The following HDAC9 variants were observed in gnomAD, a reference collection of about 807,000 sequenced individuals.
The protein encoded by HDAC9 is MEF-2 interacting transcription repressor (MITR) protein.
Under a neutral mutation model 139.4 loss-of-function variants are expected in HDAC9, and 41 were observed. That is an observed-to-expected ratio of 0.29 (90% CI 0.23 to 0.38). The LOEUF is 0.38. Among genes scored for constraint, HDAC9 ranks in the 10% least tolerant of loss-of-function variants. The pLI is 1.00. For missense variants in HDAC9, 1,147 were observed against 1,297.0 expected (o/e 0.88, Z 1.78); for synonymous variants, 517 against 476.2 (o/e 1.09, Z -1.12).
rs1786385848 is a variant in HDAC9 at position 18,146,971 on chromosome 7, A to G, written c.-96-15258A>G. On this transcript the variant is annotated intron_variant, in intron 1 of 12. Coordinates refer to the HDAC9 transcript ENST00000417496. ...TAACAAGGGAAAAATATGAAACCAC[A>G]AAAAGTGGATTTATTTTTTTCCTCA... is the stretch of plus-strand genomic sequence containing the variant. Among the ~76,000 whole-genome samples the G allele has an allele frequency of 2.0e-5, 3 of 152,208 alleles. No homozygotes were observed. In the South Asian group the frequency reaches 6.2e-4, roughly 31 times the overall value.
chr7:18,221,394 A>G (rs10215080), intron 2 of HDAC9, among the ~76,000 whole-genome samples: 43,684 of 151,914 alleles, frequency 0.29, 6,732 homozygotes, highest in South Asian at 0.4. Flanking sequence ...CACGAGCCCA[A>G]TTGTATTCCT....
chr7:18,095,841 A>G (rs893282286), intron 1 of HDAC9, among the ~76,000 whole-genome samples: 2 of 152,234 alleles, frequency 1.3e-5, no homozygotes, highest in Non-Finnish European at 2.9e-5. Flanking sequence ...GCCAGTATCC[A>G]GTTTAAAAGT....
chr7:18,899,665 T>C (rs1801520481), intron 22 of HDAC9, among the ~76,000 whole-genome samples: 1 of 152,048 alleles, frequency 6.6e-6, no homozygotes, highest in Admixed American at 6.6e-5. Context: ...GAGTTAATGA[T>C]ACAGTCTTTA....
chr7:18,916,542 T>G (rs2129292922), intron 22 of HDAC9, among the ~76,000 whole-genome samples: 1 of 152,056 alleles, frequency 6.6e-6, no homozygotes, highest in East Asian at 1.9e-4. Flanking sequence ...TAGAAGCTAC[T>G]GGGCTTCAGA....
chr7:18,608,880 C>G (rs1007386701), intron 6 of HDAC9, among the ~76,000 whole-genome samples: 8 of 152,150 alleles, frequency 5.3e-5, no homozygotes, highest in African/African-American at 1.7e-4. Flanking sequence ...AGCAGTTGAA[C>G]AGTTGAACCA....
intron 2 of HDAC9, among the ~76,000 whole-genome samples, chr7:18,251,592 A>G (rs1395580516): frequency 1.3e-5 from 2 of 152,182 alleles, no homozygotes; most frequent in African/African-American, 4.8e-5. Flanking sequence ...GGGAGATTCT[A>G]AGAACAAATT....
At chr7:18,819,763 T>G (rs991006060) in intron 17 of HDAC9, among the ~76,000 whole-genome samples, 4 of 152,342 alleles carry the variant, frequency 2.6e-5, no homozygotes, top group African/African-American at 9.6e-5. Flanking sequence ...AAAGTTCTAT[T>G]ATTAGTCATG....
chr7:18,181,520 T>TGTGTA (rs1342016034), intron 2 of HDAC9, among the ~76,000 whole-genome samples: 1 of 152,242 alleles, frequency 6.6e-6, no homozygotes, highest in Non-Finnish European at 1.5e-5. Flanking sequence ...ACAAGGATTA[T>TGTGTA]GTGTAGTGTA....
intron 2 of HDAC9, among the ~76,000 whole-genome samples, chr7:18,534,017 A>G (rs755920997): frequency 2.0e-5 from 3 of 152,178 alleles, no homozygotes; most frequent in Admixed American, 6.5e-5. Flanking sequence ...GCTATTAATT[A>G]TAGTTAACCA....
At chr7:18,417,305 A>G (rs539581146) in intron 1 of HDAC9, among the ~76,000 whole-genome samples, 62 of 152,038 alleles carry the variant, frequency 4.1e-4, no homozygotes, top group Admixed American at 6.5e-4. Context: ...CTGTATTTCC[A>G]CTTAACGTTT....
At chr7:18,102,678 G>A (rs1479616083) in intron 1 of HDAC9, among the ~76,000 whole-genome samples, 1 of 152,182 alleles carries the variant, frequency 6.6e-6, no homozygotes, top group Non-Finnish European at 1.5e-5. Flanking sequence ...CTAAGTTTTA[G>A]CTGGGGACAA....
chr7:18,959,772 C>G (rs1241785277), intron 24 of HDAC9, among the ~76,000 whole-genome samples: 1 of 152,092 alleles, frequency 6.6e-6, no homozygotes, highest in African/African-American at 2.4e-5. Context: ...CCCTGTAGCC[C>G]CACTTTCACT....
chr7:18,165,798 CA>C (rs59376151), intron 2 of HDAC9, among the ~76,000 whole-genome samples: 11,908 of 97,362 alleles, frequency 0.12, 536 homozygotes, highest in African/African-American at 0.21. Context: ...GACCCTGTCT[CA>C]AAAAAAAAAA....
At chr7:18,620,174 A>G (rs1839828575) in intron 6 of HDAC9, among the ~76,000 whole-genome samples, 1 of 152,172 alleles carries the variant, frequency 6.6e-6, no homozygotes, top group Non-Finnish European at 1.5e-5. Flanking sequence ...CAATGAAAAT[A>G]TGGCTACACA....
intron 1 of HDAC9, among the ~76,000 whole-genome samples, chr7:18,129,908 A>C (rs1198856572): frequency 6.6e-6 from 1 of 152,164 alleles, no homozygotes; most frequent in Non-Finnish European, 1.5e-5. Flanking sequence ...TAACAGTGTC[A>C]CCCACTCTAG....
chr7:18,410,626 GT>G (rs1673378167), intron 1 of HDAC9, among the ~76,000 whole-genome samples: 1 of 151,958 alleles, frequency 6.6e-6, no homozygotes. Context: ...AATTAGCTTT[GT>G]TTTTAAAATC....
At chr7:18,310,991 A>G (rs1799279197) in intron 1 of HDAC9, among the ~76,000 whole-genome samples, 1 of 152,126 alleles carries the variant, frequency 6.6e-6, no homozygotes, top group African/African-American at 2.4e-5. Context: ...GATTTTTAAT[A>G]TCATTAATTA....
At chr7:18,399,210 G>T (rs1787318316) in intron 1 of HDAC9, among the ~76,000 whole-genome samples, 1 of 152,090 alleles carries the variant, frequency 6.6e-6, no homozygotes, top group Non-Finnish European at 1.5e-5. Context: ...GCAGGTCAGT[G>T]GTGTGTGGCA....
chr7:18,267,089 A>C (rs768196405), intron 2 of HDAC9, among the ~76,000 whole-genome samples: 6 of 152,124 alleles, frequency 3.9e-5, no homozygotes, highest in African/African-American at 7.2e-5. Flanking sequence ...CTGTACTCCA[A>C]AGTACATTTT....
Sources: gnomAD v4.1 joint callset for allele counts (sites outside exome capture counted in the v4.1 genomes callset) on GRCh38, gnomAD v4.1.1 for gene constraint, MANE v1.5 for transcripts, NCBI Gene and HGNC (gene_info 2026-07-23, HGNC 2026-07-21) for gene names.